The following TNFSF4 variants were observed in gnomAD, a reference collection of about 807,000 sequenced individuals.
TNFSF4 encodes the protein tumor necrosis factor ligand superfamily member 4.
Under a neutral mutation model 7.3 loss-of-function variants are expected in TNFSF4, and 4 were observed. The observed-to-expected ratio is 0.55, with a 90% confidence interval of 0.27 to 1.25. The LOEUF is 1.25. Among genes scored for constraint, TNFSF4 ranks in the 50% most tolerant of loss-of-function variants. The pLI, the probability that TNFSF4 is intolerant of heterozygous loss-of-function variation, is 0.12. For missense variants in TNFSF4, 181 were observed against 208.8 expected (o/e 0.87, Z 0.82); for synonymous variants, 76 against 83.7 (o/e 0.91, Z 0.50).
At chr1:173,292,885 C>T in the TNFSF4 span, among the ~76,000 whole-genome samples, 83 of 151,866 alleles carry the variant, frequency 5.5e-4, no homozygotes, top group African/African-American at 1.8e-3. Context: ...GAGTCCAATC[C>T]CATTAAAAAT....
the TNFSF4 span, among the ~76,000 whole-genome samples, chr1:173,429,911 G>A: frequency 6.6e-6 from 1 of 152,202 alleles, no homozygotes; most frequent in Non-Finnish European, 1.5e-5. Flanking sequence ...GTGCTGGGCT[G>A]ACGCTGTCAG....
chr1:173,229,726 G>A, the TNFSF4 span, among the ~76,000 whole-genome samples: 2 of 151,618 alleles, frequency 1.3e-5, no homozygotes, highest in African/African-American at 4.8e-5. Flanking sequence ...CAAAATAAAG[G>A]GATGGAGGAA....
At chr1:173,352,881 C>A in the TNFSF4 span, among the ~76,000 whole-genome samples, 3 of 152,168 alleles carry the variant, frequency 2.0e-5, no homozygotes, top group African/African-American at 7.2e-5. Flanking sequence ...AGGCCTCCTC[C>A]TGGGAATGCA....
chr1:173,250,830 C>A, the TNFSF4 span, among the ~76,000 whole-genome samples: 13 of 152,272 alleles, frequency 8.5e-5, no homozygotes, highest in Admixed American at 2.6e-4. Flanking sequence ...AGTATGAGAT[C>A]TGGGGCTTTT....
chr1:173,406,716 G>A, the TNFSF4 span, among the ~76,000 whole-genome samples: 2 of 152,190 alleles, frequency 1.3e-5, no homozygotes, highest in Admixed American at 6.5e-5. Context: ...GTTGTGCCCA[G>A]TGGGGCGATT....
At chr1:173,382,552 T>C in the TNFSF4 span, among the ~76,000 whole-genome samples, 4 of 152,130 alleles carry the variant, frequency 2.6e-5, no homozygotes, top group Non-Finnish European at 5.9e-5. Context: ...TGCACGTGTA[T>C]CCCAGAACTT....
the TNFSF4 span, among the ~76,000 whole-genome samples, chr1:173,299,291 T>C: frequency 1.9e-3 from 286 of 152,002 alleles, 2 homozygotes; most frequent in African/African-American, 6.4e-3. Context: ...CCTAAGCTTA[T>C]GAAAGCTGCT....
chr1:173,305,694 A>T, the TNFSF4 span, among the ~76,000 whole-genome samples: 794 of 138,114 alleles, frequency 5.7e-3, 8 homozygotes, highest in African/African-American at 0.021. Flanking sequence ...GTAATTTATT[A>T]AAAAAAAAAA....
chr1:173,329,977 C>G, the TNFSF4 span, among the ~76,000 whole-genome samples: 2 of 152,162 alleles, frequency 1.3e-5, no homozygotes, highest in South Asian at 4.1e-4. Context: ...TAAACTCTAC[C>G]CTTTCTTCGG....
At chr1:173,413,484 G>A in the TNFSF4 span, among the ~76,000 whole-genome samples, 1 of 152,186 alleles carries the variant, frequency 6.6e-6, no homozygotes, top group Non-Finnish European at 1.5e-5. Context: ...AAATGCCAGT[G>A]TTCATGATCT....
chr1:173,310,155 GTTTC>G, the TNFSF4 span, among the ~76,000 whole-genome samples: 1 of 151,682 alleles, frequency 6.6e-6, no homozygotes, highest in Admixed American at 6.6e-5. Context: ...ACTAGTTTCT[GTTTC>G]TTTATTGTTT....
chr1:173,266,490 C>T, the TNFSF4 span, among the ~76,000 whole-genome samples: 6 of 152,202 alleles, frequency 3.9e-5, no homozygotes, highest in Middle Eastern at 3.4e-3. Context: ...CAACAAATTA[C>T]GTACTCTATT....
chr1:173,391,458 A>C, the TNFSF4 span, among the ~76,000 whole-genome samples: 9 of 142,808 alleles, frequency 6.3e-5, no homozygotes, highest in Admixed American at 1.4e-4. Flanking sequence ...AAAAAAAAAA[A>C]AAAAAAAAGT....
chr1:173,388,848 TAAAC>T, the TNFSF4 span, among the ~76,000 whole-genome samples: 1 of 152,178 alleles, frequency 6.6e-6, no homozygotes, highest in South Asian at 2.1e-4. Flanking sequence ...TTTACTCACA[TAAAC>T]AAAAATTCTT....
the TNFSF4 span, among the ~76,000 whole-genome samples, chr1:173,288,350 T>G: frequency 6.6e-6 from 1 of 152,100 alleles, no homozygotes; most frequent in Non-Finnish European, 1.5e-5. Context: ...GCGGGAGGAC[T>G]GCTTGAGCCC....
chr1:173,276,647 G>T, the TNFSF4 span, among the ~76,000 whole-genome samples: 2 of 152,166 alleles, frequency 1.3e-5, no homozygotes, highest in Non-Finnish European at 2.9e-5. Flanking sequence ...GCTCAACTTT[G>T]TGGGAGTTTT....
the TNFSF4 span, among the ~76,000 whole-genome samples, chr1:173,407,703 G>GGTGTGT: frequency 0.51 from 76,014 of 148,124 alleles, 21,373 homozygotes; most frequent in Middle Eastern, 0.67. Context: ...GATGTAAATG[G>GGTGTGT]GTGTGTGTGT....
At chr1:173,228,472 T>C in the TNFSF4 span, among the ~76,000 whole-genome samples, 14 of 151,324 alleles carry the variant, frequency 9.3e-5, no homozygotes, top group Non-Finnish European at 1.8e-4. Context: ...ACCACAGAGA[T>C]GGGGACAAAA....
the TNFSF4 span, among the ~76,000 whole-genome samples, chr1:173,335,523 CAG>C: frequency 2.0e-5 from 3 of 152,140 alleles, no homozygotes; most frequent in African/African-American, 7.2e-5. Context: ...TAATAAACAG[CAG>C]AGTCAAGGCG....
Sources: gnomAD v4.1 joint callset for allele counts (sites outside exome capture counted in the v4.1 genomes callset) on GRCh38, gnomAD v4.1.1 for gene constraint, MANE v1.5 for transcripts, NCBI Gene and HGNC (gene_info 2026-07-23, HGNC 2026-07-21) for gene names.